SHANK2: variants seen among roughly 807,000 people sequenced by gnomAD.
SHANK2 encodes SH3 and multiple ankyrin repeat domains protein 2.
In SHANK2, 43 loss-of-function variants were observed where a neutral mutation model predicts 133.7. The observed-to-expected ratio is 0.32, with a 90% CI of 0.25 to 0.41. The LOEUF (loss-of-function observed/expected upper bound fraction) is 0.41, where lower values mean the gene tolerates loss of function less well. SHANK2 is among the 10% of genes least tolerant of loss of function. The probability of loss-of-function intolerance (pLI) is 1.00; values close to 1 mark genes in which losing one functional copy is unlikely to be tolerated. For missense variants in SHANK2, 1,994 were observed against 2,235.8 expected, an observed-to-expected ratio of 0.89 and a Z score of 2.18; for synonymous variants, 1,017 against 952.8, an observed-to-expected ratio of 1.07 and a Z score of -1.24.
intron 10 of SHANK2, among the ~76,000 whole-genome samples, chr11:70,905,771 G>A (rs1473601682): frequency 2.6e-5 from 4 of 151,434 alleles, no homozygotes; most frequent in South Asian, 2.1e-4. Context: ...ACAGATCCAT[G>A]CCTATTGTTT....
intron 17 of SHANK2, among the ~76,000 whole-genome samples, chr11:70,599,183 T>C (rs565928918): frequency 6.6e-6 from 1 of 152,266 alleles, no homozygotes; most frequent in African/African-American, 2.4e-5. Flanking sequence ...TATTTCTACA[T>C]TTCAGCAAGA....
intron 17 of SHANK2, among the ~76,000 whole-genome samples, chr11:70,652,530 G>A (rs1238218762): frequency 1.3e-5 from 2 of 152,180 alleles, no homozygotes; most frequent in African/African-American, 2.4e-5. Context: ...ACTGACTGAG[G>A]CCGGGTGGGG....
chr11:71,140,344 G>C (rs1191893586), intron 3 of SHANK2, among the ~76,000 whole-genome samples: 2 of 152,192 alleles, frequency 1.3e-5, no homozygotes, highest in African/African-American at 4.8e-5. Flanking sequence ...CAGACCTGTG[G>C]CTCCATCCAT....
chr11:71,071,563 G>A (rs1252173532), intron 9 of SHANK2, among the ~76,000 whole-genome samples: 1 of 152,226 alleles, frequency 6.6e-6, no homozygotes, highest in Non-Finnish European at 1.5e-5. Context: ...CTCACAAAGG[G>A]CTGCAGAGAA....
At chr11:70,937,019 G>A (rs1950581036) in intron 10 of SHANK2, among the ~76,000 whole-genome samples, 1 of 152,206 alleles carries the variant, frequency 6.6e-6, no homozygotes, top group Non-Finnish European at 1.5e-5. Context: ...GTTAGCTGTC[G>A]CTTTTAAGTT....
At chr11:71,243,680 G>A (rs1485499191) in intron 1 of SHANK2, among the ~76,000 whole-genome samples, 1 of 152,110 alleles carries the variant, frequency 6.6e-6, no homozygotes, top group African/African-American at 2.4e-5. Context: ...AGGCAACAGA[G>A]CAAGACTCTG....
intron 9 of SHANK2, among the ~76,000 whole-genome samples, chr11:71,061,670 A>C (rs1337465334): frequency 6.6e-6 from 1 of 152,138 alleles, no homozygotes; most frequent in Non-Finnish European, 1.5e-5. Context: ...ATATTAGTAC[A>C]GCCCCTCCAA....
At chr11:70,585,114 G>A (rs2060231854) in intron 17 of SHANK2, among the ~76,000 whole-genome samples, 1 of 152,256 alleles carries the variant, frequency 6.6e-6, no homozygotes, top group Non-Finnish European at 1.5e-5. Flanking sequence ...GCACAGCTCA[G>A]GCCACAGCAC....
At position 71,147,176 on chromosome 11, in the gene SHANK2, C is replaced by T; in HGVS notation, c.151G>A (p.Glu51Lys). The change falls in exon 3 of 26, where the codon GAG becomes AAG. Residue 51 changes from glutamate (E) to lysine (K), a missense_variant. Physicochemically the swap from Glu to Lys is moderately conservative, Grantham distance 56. Transcript: ENST00000601538. ...ATCACCAGCGTGTTGCCCTGGCTCT[C>T]CTCCGTCCTGGCACCGCCCGGCTTC... ...AEKPGGARTE[E>K]SQGNTLVIRV... 6.4e-7 allele frequency: 1 copy of T among 1,550,672 alleles called. No homozygotes were observed. Among genetic ancestry groups the T allele is most frequent in the Non-Finnish European group, 8.7e-7 (1 of 1,146,956 alleles).
intron 2 of SHANK2, among the ~76,000 whole-genome samples, chr11:71,210,693 C>T (rs540850946): frequency 1.3e-5 from 2 of 152,138 alleles, no homozygotes; most frequent in Non-Finnish European, 1.5e-5. Context: ...CACTTCCCCC[C>T]ACTTGACCTG....
intron 2 of SHANK2, among the ~76,000 whole-genome samples, chr11:71,185,709 T>C (rs928896488): frequency 2.0e-5 from 3 of 152,222 alleles, no homozygotes; most frequent in Middle Eastern, 3.2e-3. Flanking sequence ...CTGCTGACCA[T>C]GTCCTTCCAC....
chr11:70,586,271 G>C (rs1288886461), intron 17 of SHANK2, among the ~76,000 whole-genome samples: 1 of 152,148 alleles, frequency 6.6e-6, no homozygotes, highest in African/African-American at 2.4e-5. Flanking sequence ...GTGGGCAGTG[G>C]GGGCAGATCA....
In SHANK2 at chr11:70,503,488, G is replaced by GA. The variant is rs369806692; in HGVS notation, c.2062-558dup. Among the ~76,000 whole-genome samples, 232 of 152,364 alleles carry GA rather than the reference G, an allele frequency of 1.5e-3. 3 individuals are homozygous for GA. The Middle Eastern group carries it at 0.024, about 16-fold the overall frequency. Reference sequence around the variant, plus strand: ...CCCGCTCCAGAGGCCTGGGAAGGCAGAAAAGCCTGGCCCAGCAGGGTGCTT... The same window carrying GA: ...CCCGCTCCAGAGGCCTGGGAAGGCAGAAAAAGCCTGGCCCAGCAGGGTGCTT... On this transcript the variant is annotated intron_variant, in intron 17 of 25. Transcript: ENST00000601538.
At chr11:70,681,237 T>C (rs577636504) in intron 15 of SHANK2, among the ~76,000 whole-genome samples, 120 of 152,258 alleles carry the variant, frequency 7.9e-4, no homozygotes, top group African/African-American at 2.8e-3. Flanking sequence ...CCCTTTTCTC[T>C]TGGCAAAGTC....
chr11:70,567,009 G>T (rs1554982010), intron 17 of SHANK2, among the ~76,000 whole-genome samples: 1 of 152,182 alleles, frequency 6.6e-6, no homozygotes, highest in African/African-American at 2.4e-5. Flanking sequence ...TTAGCCAGAG[G>T]CACCATTTCC....
intron 17 of SHANK2, among the ~76,000 whole-genome samples, chr11:70,612,641 G>A (rs1012724093): frequency 2.0e-5 from 3 of 152,264 alleles, no homozygotes; most frequent in Admixed American, 2.0e-4. Flanking sequence ...GCCCCCAGCG[G>A]CCCCCGGCAG....
At chr11:70,908,970 A>G (rs1950150735) in intron 10 of SHANK2, among the ~76,000 whole-genome samples, 1 of 152,172 alleles carries the variant, frequency 6.6e-6, no homozygotes, top group Non-Finnish European at 1.5e-5. Context: ...TCTGGGCAGT[A>G]TTATCCTCTG....
intron 17 of SHANK2, among the ~76,000 whole-genome samples, chr11:70,654,671 T>C (rs2061381956): frequency 6.6e-6 from 1 of 152,164 alleles, no homozygotes; most frequent in Non-Finnish European, 1.5e-5. Flanking sequence ...AGATGTCCAT[T>C]GCCACTGAAC....
rs2058802985 is a variant in SHANK2 at position 70,486,245 on chromosome 11, C to T, written c.4048G>A (p.Glu1350Lys). 5 of 1,614,048 alleles carry T rather than the reference C, an allele frequency of 3.1e-6. No homozygotes were observed. In the East Asian group the frequency reaches 1.1e-4, roughly 36 times the overall value. ...KPDSSPSEVP[E>K]GVSETEGALQ... ...GCACCTTCGGTTTCGGAAACACCTT[C>T]TGGCACCTCGGACGGCGAGCTGTCT... Residue 1350 changes from glutamate to lysine, a missense_variant, in exon 25 of 26, where the codon GAA (glutamate) becomes AAA (lysine). Around this residue, in one of 5 missense-constraint regions of SHANK2, gnomAD observed 797 missense variants for 907.4 expected, o/e 0.88. Coordinates refer to ENST00000601538, the MANE Select transcript of SHANK2 (RefSeq NM_012309.5). This position sits in a 1 kb window ranked among gnomAD's most constrained non-coding sequence, Gnocchi z 8.0.
Sources: allele counts gnomAD v4.1 joint callset (sites outside exome capture counted in the v4.1 genomes callset), GRCh38; gene constraint gnomAD v4.1.1; regional missense constraint gnomAD v4.1.1; non-coding constraint Gnocchi (gnomAD v3.1); transcripts MANE v1.5; gene names NCBI Gene and HGNC (gene_info 2026-07-23, HGNC 2026-07-21).